KDR: variants seen among roughly 807,000 people sequenced by gnomAD.
KDR encodes kinase insert domain receptor.
A neutral mutation model predicts 160.9 loss-of-function variants in KDR; 43 were observed. The observed-to-expected ratio is 0.27, with a 90% CI of 0.21 to 0.34. KDR has a LOEUF of 0.34. Among genes scored for constraint, KDR ranks in the 10% least tolerant of loss-of-function variants. KDR has a pLI of 1.00. For synonymous variants in KDR, 617 were observed against 600.1 expected, an observed-to-expected ratio of 1.03 and a Z score of -0.41; for missense variants, 1,469 against 1,666.4, an observed-to-expected ratio of 0.88 and a Z score of 2.06.
At chr4:55,088,358 G>C (rs1719917105) in intron 26 of KDR, among the ~76,000 whole-genome samples, 1 of 152,128 alleles carries the variant, frequency 6.6e-6, no homozygotes, top group Admixed American at 6.5e-5. Flanking sequence ...AAAAGAAAGA[G>C]GAAATTCACT....
At chr4:55,098,589 G>A in intron 16 of KDR, 108 bp downstream of exon 16, 1 of 836,708 alleles carries the variant, frequency 1.2e-6, no homozygotes, top group Non-Finnish European at 2.1e-6. Flanking sequence ...ATAAAAATGT[G>A]CCCATTGAGC....
chr4:55,112,355 A>G (rs1228073564), intron 7 of KDR, among the ~76,000 whole-genome samples: 1 of 152,042 alleles, frequency 6.6e-6, no homozygotes, highest in Non-Finnish European at 1.5e-5. Flanking sequence ...TCTTCCTTAC[A>G]ATTTTCTTAA....
At chr4:55,101,074 A>T (rs1457562860) in intron 15 of KDR, among the ~76,000 whole-genome samples, 1 of 152,222 alleles carries the variant, frequency 6.6e-6, no homozygotes, top group Non-Finnish European at 1.5e-5. Context: ...TCACAAGTGA[A>T]TCTTAATTAT....
chr4:55,110,336 T>A, intron 9 of KDR, 67 bp downstream of exon 9: 1 of 1,526,772 alleles, frequency 6.5e-7, no homozygotes, highest in Non-Finnish European at 9.1e-7. Flanking sequence ...GAACGGTGGT[T>A]TGGCTGATTT....
chr4:55,120,958 C>T (rs1720857195), intron 2 of KDR, 139 bp downstream of exon 2: 2 of 617,944 alleles, frequency 3.2e-6, no homozygotes, highest in Admixed American at 3.0e-5. Context: ...TCCATTATTA[C>T]ATCAGTTCTT....
chr4:55,111,199 G>A (rs1179090922), intron 7 of KDR, among the ~76,000 whole-genome samples: 1 of 152,150 alleles, frequency 6.6e-6, no homozygotes, highest in African/African-American at 2.4e-5. Flanking sequence ...CAGGTTTAAA[G>A]TATCATTCAC....
rs144450076 is a variant in KDR, at chr4:55,111,296, G to T, written c.977-528C>A. Among the ~76,000 whole-genome samples the T allele has an allele frequency of 8.5e-4, 129 of 152,268 alleles. No individual in the cohort carries two copies. In the East Asian group the frequency reaches 0.024, roughly 28 times the overall value. On this transcript the variant is annotated intron_variant, in intron 7 of 29. Transcript: ENST00000263923. ...ATATCTCCACTTGGATGTTTAACAG[G>T]CATCTCCAGATAAACATATCTAACA...
At chr4:55,087,578 C>G in intron 27 of KDR, 29 bp downstream of exon 27, 5 of 1,611,700 alleles carry the variant, frequency 3.1e-6, no homozygotes, top group Non-Finnish European at 4.2e-6. Flanking sequence ...GTCACCCTCC[C>G]CCGGGGGATG....
At position 55,092,599 on chromosome 4, in the gene KDR, C is replaced by T. The variant is rs1410029457; in HGVS notation, c.3069+18G>A. ...TGTGATCTGAAAAGATAGCTGATTT[C>T]CCCTCAACCTTTCTTACCTTTCGCG... On this transcript the variant is annotated intron_variant, in intron 22 of 29. Coordinates refer to ENST00000263923, the MANE Select transcript of KDR (RefSeq NM_002253.4). The T allele has an allele frequency of 6.4e-7, 1 of 1,558,648 alleles. No homozygotes were observed. Among genetic ancestry groups the T allele is most frequent in the Non-Finnish European group, 8.9e-7 (1 of 1,129,660 alleles).
chr4:55,100,082 T>C (rs1320879832), intron 15 of KDR, among the ~76,000 whole-genome samples: 2 of 152,126 alleles, frequency 1.3e-5, no homozygotes, highest in African/African-American at 4.8e-5. Flanking sequence ...AAGGAAGCAG[T>C]CATCACTTGG....
At chr4:55,109,371 C>T (rs1720519298) in intron 9 of KDR, among the ~76,000 whole-genome samples, 1 of 151,958 alleles carries the variant, frequency 6.6e-6, no homozygotes, top group Admixed American at 6.6e-5. Context: ...ATGCAAACCA[C>T]GGCACCCAGC....
At chr4:55,081,310 T>C (rs931136036) in intron 29 of KDR, among the ~76,000 whole-genome samples, 4 of 152,124 alleles carry the variant, frequency 2.6e-5, no homozygotes, top group Admixed American at 1.3e-4. Context: ...GTAAGAATAC[T>C]CTAGCAAATA....
At chr4:55,110,266 G>A (rs1270322517) in intron 9 of KDR, 137 bp downstream of exon 9, 10 of 888,752 alleles carry the variant, frequency 1.1e-5, no homozygotes, top group Middle Eastern at 2.2e-4. Context: ...GCTTCACCAC[G>A]CCAGATGACT....
At chr4:55,119,780 G>A (rs1049285835) in intron 2 of KDR, among the ~76,000 whole-genome samples, 3 of 152,088 alleles carry the variant, frequency 2.0e-5, no homozygotes, top group South Asian at 2.1e-4. Flanking sequence ...TAAGGACCTC[G>A]CATTAAAACA....
intron 9 of KDR, among the ~76,000 whole-genome samples, chr4:55,108,532 G>A (rs747427522): frequency 2.0e-5 from 3 of 152,026 alleles, no homozygotes; most frequent in Non-Finnish European, 2.9e-5. Flanking sequence ...AAAATGACTC[G>A]CCCAAGGTCA....
chr4:55,105,850 T>A lies in KDR; in HGVS notation c.1627A>T (p.Ile543Phe). Residue 543 changes from isoleucine (I) to phenylalanine (F), a missense_variant, in exon 12 of 30, where the codon ATC (isoleucine) becomes TTC (phenylalanine). Physicochemically the swap from Ile to Phe is conservative, Grantham distance 21. Coordinates refer to ENST00000263923, the MANE Select transcript of KDR (RefSeq NM_002253.4). ...VNKVGRGERVISFHVTRGPEI... is the reference protein window; with the variant it reads ...VNKVGRGERVFSFHVTRGPEI... ...TACTTACTGGTCACGTGGAAGGAGATCACCCTCTCTCCTCTCCCGACTTTG... is the reference window on the plus strand; with the variant it reads ...TACTTACTGGTCACGTGGAAGGAGAACACCCTCTCTCCTCTCCCGACTTTG... 1 of 1,604,542 alleles carries A rather than the reference T, an allele frequency of 6.2e-7. No individual in the cohort carries two copies. Among genetic ancestry groups the A allele is most frequent in the South Asian group, 1.1e-5 (1 of 90,880 alleles).
At chr4:55,096,207 A>C (rs1450186001) in intron 19 of KDR, 22 bp downstream of exon 19, 2 of 1,489,158 alleles carry the variant, frequency 1.3e-6, no homozygotes, top group Non-Finnish European at 1.9e-6. Context: ...TTGGGTGACC[A>C]AAACCACCCA....
chr4:55,096,401 G>A (rs942181825), intron 18 of KDR, 59 bp from the exon 19 acceptor site: 6 of 1,246,770 alleles, frequency 4.8e-6, no homozygotes, highest in Non-Finnish European at 4.7e-6. Flanking sequence ...CAATAATTGG[G>A]GTCCCTCCCT....
At chr4:55,094,492 T>G (rs148686063) in intron 21 of KDR, among the ~76,000 whole-genome samples, 1 of 152,130 alleles carries the variant, frequency 6.6e-6, no homozygotes, top group East Asian at 1.9e-4. Flanking sequence ...ACCAGAAAAC[T>G]TGTGGCCTCT....
Sources: allele counts gnomAD v4.1 joint callset (sites outside exome capture counted in the v4.1 genomes callset), GRCh38; gene constraint gnomAD v4.1.1; transcripts MANE v1.5; gene names NCBI Gene and HGNC (gene_info 2026-07-23, HGNC 2026-07-21).